The following NAALADL2 variants were observed in gnomAD, a reference collection of about 807,000 sequenced individuals.
The protein encoded by NAALADL2 is N-acetylated alpha-linked acidic dipeptidase like 2.
Under a neutral mutation model 87.2 loss-of-function variants are expected in NAALADL2, and 76 were observed. The observed-to-expected ratio is 0.87, with a 90% CI of 0.72 to 1.05. The LOEUF is 1.05. Ranked by LOEUF, NAALADL2 falls within the 50% of genes least tolerant of loss-of-function variation. NAALADL2 has a pLI of 0.00. For missense variants in NAALADL2, 1,089 were observed against 945.8 expected, an observed-to-expected ratio of 1.15 and a Z score of -1.99; for synonymous variants, 354 against 331.0, an observed-to-expected ratio of 1.07 and a Z score of -0.75.
At chr3:175,794,394 AAGT>A (rs961278001) in intron 13 of NAALADL2, among the ~76,000 whole-genome samples, 1 of 152,174 alleles carries the variant, frequency 6.6e-6, no homozygotes, top group African/African-American at 2.4e-5. Context: ...GAAAAAAAAA[AAGT>A]AGTCAACTGT....
rs546906292 is a variant in NAALADL2, at chr3:174,750,343, C to T, written c.-9+12597C>T. On this transcript the variant is annotated intron_variant, in intron 3 of 3. Coordinates refer to the NAALADL2 transcript ENST00000434257. ...GGTTCTGCTCTTTGGATATGGCTTC[C>T]CAGTTTTTGTGCACCATGGATCTTG... is the stretch of plus-strand genomic sequence containing the variant. Among the ~76,000 whole-genome samples, 3 of 152,250 alleles carry T rather than the reference C, an allele frequency of 2.0e-5. No individual in the cohort carries two copies. In the East Asian group the frequency reaches 5.8e-4, roughly 29 times the overall value.
intron 1 of NAALADL2, among the ~76,000 whole-genome samples, chr3:174,870,556 A>G (rs1388760652): frequency 6.6e-6 from 1 of 151,894 alleles, no homozygotes; most frequent in African/African-American, 2.4e-5. Context: ...GGTTTGTGTC[A>G]TTATCTTGTT....
chr3:174,785,382 C>G (rs902938870), intron 3 of NAALADL2, among the ~76,000 whole-genome samples: 17 of 152,222 alleles, frequency 1.1e-4, no homozygotes, highest in Admixed American at 9.8e-4. Flanking sequence ...ATCCCAGCAC[C>G]ATTTATTAAA....
chr3:175,413,180 T>C (rs1176361252), intron 5 of NAALADL2, among the ~76,000 whole-genome samples: 16 of 143,428 alleles, frequency 1.1e-4, no homozygotes, highest in African/African-American at 3.3e-4. Flanking sequence ...GGGCAGATCT[T>C]GAGGTCAGGA....
intron 11 of NAALADL2, among the ~76,000 whole-genome samples, chr3:175,654,994 T>C (rs940761613): frequency 2.0e-5 from 3 of 152,102 alleles, no homozygotes; most frequent in African/African-American, 4.8e-5. Context: ...AGATGAATTG[T>C]TCGTGTGACT....
At position 175,008,804 on chromosome 3, in the gene NAALADL2, G is replaced by T. The variant is rs571252659; in HGVS notation, c.44-87986G>T. The stretch of plus-strand genomic sequence containing the variant: ...AGGATTCCTTGCAGTTCCATGTTTG[G>T]TCCAGCCATCATTTTTTGTAAAGAG... On this transcript the variant is annotated intron_variant, in intron 1 of 13. Transcript: ENST00000454872. Among the ~76,000 whole-genome samples the T allele has an allele frequency of 2.6e-5, 4 of 151,582 alleles. No individual in the cohort carries two copies. The South Asian group carries it at 8.3e-4, about 32-fold the overall frequency.
At chr3:175,084,783 G>A (rs1718552682) in intron 1 of NAALADL2, among the ~76,000 whole-genome samples, 1 of 151,946 alleles carries the variant, frequency 6.6e-6, no homozygotes, top group Non-Finnish European at 1.5e-5. Flanking sequence ...TCTTGGAGGT[G>A]GAACCAAAAT....
At chr3:174,929,065 C>T (rs1434077735) in intron 1 of NAALADL2, among the ~76,000 whole-genome samples, 2 of 152,084 alleles carry the variant, frequency 1.3e-5, no homozygotes, top group African/African-American at 4.8e-5. Context: ...TAGGAGATGA[C>T]ATTTGAGCTG....
intron 3 of NAALADL2, among the ~76,000 whole-genome samples, chr3:175,246,981 A>T (rs1047389507): frequency 2.0e-5 from 3 of 152,160 alleles, no homozygotes; most frequent in Non-Finnish European, 4.4e-5. Context: ...TGGAGTATGA[A>T]CTTTGGGGTG....
intron 10 of NAALADL2, among the ~76,000 whole-genome samples, chr3:175,617,517 A>G (rs1218766873): frequency 6.6e-6 from 1 of 152,188 alleles, no homozygotes; most frequent in African/African-American, 2.4e-5. Context: ...CATTTGTAGC[A>G]GTTACCAGGT....
chr3:175,032,206 GGTATTTCTA>G (rs1274809245), intron 1 of NAALADL2, among the ~76,000 whole-genome samples: 2 of 151,346 alleles, frequency 1.3e-5, no homozygotes, highest in Non-Finnish European at 3.0e-5. Context: ...TGTCCAGATG[GGTATTTCTA>G]GTTTTCTTGT....
intron 1 of NAALADL2, chr3:174,513,408 G>A (rs1158933689): frequency 6.6e-6 from 1 of 151,946 alleles, no homozygotes; most frequent in African/African-American, 2.4e-5. Context: ...TATTTTTAAT[G>A]AATATCAATA....
intron 1 of NAALADL2, among the ~76,000 whole-genome samples, chr3:175,024,421 A>C (rs1250339839): frequency 6.6e-6 from 1 of 152,248 alleles, no homozygotes; most frequent in African/African-American, 2.4e-5. Context: ...CAAAAAGGGC[A>C]AAGCGGATGC....
intron 5 of NAALADL2, chr3:175,397,244 T>TA (rs869054508): frequency 2.0e-5 from 3 of 152,102 alleles, no homozygotes; most frequent in Admixed American, 6.6e-5. Flanking sequence ...TATACATTTT[T>TA]AAAAAAATAT....
At chr3:175,149,615 G>C (rs895603503) in intron 2 of NAALADL2, among the ~76,000 whole-genome samples, 1 of 152,028 alleles carries the variant, frequency 6.6e-6, no homozygotes, top group African/African-American at 2.4e-5. Flanking sequence ...ATATATTTGA[G>C]GATAATTCAT....
At chr3:174,979,594 C>T (rs1304931843) in intron 1 of NAALADL2, among the ~76,000 whole-genome samples, 1 of 152,016 alleles carries the variant, frequency 6.6e-6, no homozygotes, top group Non-Finnish European at 1.5e-5. Flanking sequence ...CGTGAACCAC[C>T]ACACCCAGCC....
At chr3:174,634,593 T>A (rs1330675932) in intron 2 of NAALADL2, among the ~76,000 whole-genome samples, 1 of 152,128 alleles carries the variant, frequency 6.6e-6, no homozygotes. Flanking sequence ...TCATGACAGA[T>A]CCCCATCATG....
At chr3:175,706,781 G>T (rs147140274) in intron 11 of NAALADL2, among the ~76,000 whole-genome samples, 87 of 152,206 alleles carry the variant, frequency 5.7e-4, no homozygotes, top group African/African-American at 2.0e-3. Flanking sequence ...TCACCATCAA[G>T]AGAGGGCTTC....
intron 10 of NAALADL2, among the ~76,000 whole-genome samples, chr3:175,615,331 T>C (rs1044163144): frequency 2.0e-5 from 3 of 152,204 alleles, no homozygotes; most frequent in Admixed American, 1.3e-4. Context: ...TTAATCTGCA[T>C]ATTGGGAAAA....
Sources: gnomAD v4.1 joint callset for allele counts (sites outside exome capture counted in the v4.1 genomes callset) on GRCh38, gnomAD v4.1.1 for gene constraint, MANE v1.5 for transcripts, NCBI Gene and HGNC (gene_info 2026-07-23, HGNC 2026-07-21) for gene names.